Variants in OCIAD1 observed in about 807,000 individuals in gnomAD.
OCIAD1 encodes OCIA domain containing 1, also known as OCIA domain-containing protein 1.
OCIAD1 carries 29 observed loss-of-function variants against 38.9 expected under a neutral mutation model. The observed-to-expected ratio is 0.74, with a 90% CI of 0.55 to 1.02. The LOEUF (loss-of-function observed/expected upper bound fraction) is 1.02, where lower values mean the gene tolerates loss of function less well. Ranked by LOEUF, OCIAD1 falls within the 50% of genes least tolerant of loss-of-function variation. The probability of loss-of-function intolerance (pLI) is 0.00; values close to 1 mark genes in which losing one functional copy is unlikely to be tolerated. For synonymous variants in OCIAD1, 110 were observed against 92.0 expected (o/e 1.20, Z -1.12); for missense variants, 288 against 289.6 (o/e 0.99, Z 0.04).
intron 1 of OCIAD1, among the ~76,000 whole-genome samples, chr4:48,809,347 C>T (rs1181468478): frequency 6.6e-6 from 1 of 152,016 alleles, no homozygotes; most frequent in East Asian, 1.9e-4. Context: ...CTTGGCGAAA[C>T]CCCATCTCTA....
Position 48,841,459 on chromosome 4 carries a change from A to G in OCIAD1, c.140-1177A>G, listed in dbSNP as rs897728049. Among the ~76,000 whole-genome samples, 12 of 152,324 alleles carry G rather than the reference A, an allele frequency of 7.9e-5. 3 individuals carry two copies. The South Asian group carries it at 8.3e-4, about 11-fold the overall frequency. ...GTGTAAATTTCTCCAACAGCTAGTCATAACAATGTGTGAAGTTGTATCTAC... is the reference window on the plus strand; with the variant it reads ...GTGTAAATTTCTCCAACAGCTAGTCGTAACAATGTGTGAAGTTGTATCTAC... On this transcript the variant is annotated intron_variant, in intron 3 of 8. Coordinates refer to ENST00000264312, the MANE Select transcript of OCIAD1 (RefSeq NM_017830.4).
intron 1 of OCIAD1, among the ~76,000 whole-genome samples, chr4:48,808,470 C>T (rs1389569597): frequency 1.3e-5 from 2 of 150,714 alleles, no homozygotes; most frequent in Non-Finnish European, 3.0e-5. Flanking sequence ...ACCTTACTTC[C>T]AAAAAACAAA....
At chr4:48,839,446 A>AAG in intron 3 of OCIAD1, among the ~76,000 whole-genome samples, 1 of 151,872 alleles carries the variant, frequency 6.6e-6, no homozygotes, top group South Asian at 2.1e-4. Context: ...AAAAAAAAAA[A>AAG]AAAAAGAGTA....
chr4:48,823,277 A>G (rs895306158), intron 1 of OCIAD1, among the ~76,000 whole-genome samples: 1 of 152,170 alleles, frequency 6.6e-6, no homozygotes, highest in African/African-American at 2.4e-5. Context: ...ATTTTCAGCA[A>G]TCTAACACAG....
intron 1 of OCIAD1, among the ~76,000 whole-genome samples, chr4:48,824,345 T>C (rs1777227297): frequency 6.6e-6 from 1 of 152,056 alleles, no homozygotes; most frequent in Non-Finnish European, 1.5e-5. Context: ...GTATTTACAA[T>C]TGAAATTACA....
chr4:48,809,634 A>G (rs1378072915), intron 1 of OCIAD1, among the ~76,000 whole-genome samples: 1 of 152,118 alleles, frequency 6.6e-6, no homozygotes, highest in Non-Finnish European at 1.5e-5. Flanking sequence ...ATCAGCTCTT[A>G]TCACCTTCTC....
At chr4:48,831,634 T>G in intron 1 of OCIAD1, 1 of 1,018,220 alleles carries the variant, frequency 9.8e-7, no homozygotes, top group East Asian at 6.0e-5. Flanking sequence ...CTGACAGTCT[T>G]CCTGGTGTTT....
chr4:48,831,942 AC>A (rs1341302696), intron 1 of OCIAD1, among the ~76,000 whole-genome samples: 1 of 152,232 alleles, frequency 6.6e-6, no homozygotes, highest in African/African-American at 2.4e-5. Context: ...AAATACGGTT[AC>A]TTGATCTGTT....
intron 4 of OCIAD1, among the ~76,000 whole-genome samples, chr4:48,843,405 G>A (rs1560427720): frequency 6.6e-6 from 1 of 152,134 alleles, no homozygotes; most frequent in South Asian, 2.1e-4. Context: ...TGGCCTGGAG[G>A]CCTATTGTTT....
At chr4:48,809,077 A>G (rs1416151718) in intron 1 of OCIAD1, among the ~76,000 whole-genome samples, 1 of 152,198 alleles carries the variant, frequency 6.6e-6, no homozygotes, top group Non-Finnish European at 1.5e-5. Context: ...TTGTATTACT[A>G]AAACAGCCTT....
intron 1 of OCIAD1, chr4:48,831,662 A>C (rs1777516010): frequency 1.3e-6 from 1 of 764,712 alleles, no homozygotes; most frequent in Admixed American, 2.4e-5. Context: ...GGATGCCGTT[A>C]TGGGAAATAA....
At chr4:48,828,610 AG>A (rs1220702404), upstream of OCIAD1, among the ~76,000 whole-genome samples, 2 of 152,144 alleles carry the variant, frequency 1.3e-5, no homozygotes, top group Non-Finnish European at 2.9e-5. Context: ...ACCCACCTGG[AG>A]GGATTAACAA....
At chr4:48,834,715 T>C (rs1777823548) in intron 3 of OCIAD1, among the ~76,000 whole-genome samples, 1 of 152,184 alleles carries the variant, frequency 6.6e-6, no homozygotes. Context: ...ACATAGAGGC[T>C]GCTGCAGTGA....
chr4:48,806,852 C>G (rs141102948), intron 1 of OCIAD1, among the ~76,000 whole-genome samples: 1 of 152,220 alleles, frequency 6.6e-6, no homozygotes, highest in Non-Finnish European at 1.5e-5. Context: ...GATCCACCCA[C>G]CTCGGCCTCC....
At chr4:48,854,165 G>A (rs1779791988) in intron 7 of OCIAD1, among the ~76,000 whole-genome samples, 1 of 152,070 alleles carries the variant, frequency 6.6e-6, no homozygotes, top group Non-Finnish European at 1.5e-5. Flanking sequence ...TAAGTTCGAA[G>A]ACCCCTGTGG....
At chr4:48,823,649 A>T (rs1221734229) in intron 1 of OCIAD1, among the ~76,000 whole-genome samples, 40 of 151,630 alleles carry the variant, frequency 2.6e-4, no homozygotes, top group African/African-American at 9.2e-4. Context: ...CTTTGAATTT[A>T]CTTTTATTTT....
At chr4:48,849,865 T>G (rs890083311) in intron 5 of OCIAD1, 82 bp from the exon 6 acceptor site, 2 of 1,273,172 alleles carry the variant, frequency 1.6e-6, no homozygotes, top group African/African-American at 1.5e-5. Context: ...GAATCACACT[T>G]TAAAACAAAT....
At position 48,861,030 on chromosome 4, in the gene OCIAD1, A is replaced by G; in HGVS notation, c.*268A>G. 1 of 374,154 alleles carries G rather than the reference A, an allele frequency of 2.7e-6. No individual in the cohort carries two copies. The highest frequency in any genetic ancestry group is 4.7e-6 in the Non-Finnish European group (1 of 210,784). The allele number at this position is 374,154 out of a possible 1,614,324, so 23.2% of individuals were successfully genotyped here. A position where few individuals can be genotyped will look rare whatever the true frequency, so the allele number is the denominator to read the frequency against. ...AGTTTGTGAAATTGTTGCAAGGGCA[A>G]AGATAACTCTTAAAAAACCGTCGAG... On this transcript the variant is annotated 3_prime_UTR_variant, in exon 9 of 9. Coordinates refer to ENST00000264312, the MANE Select transcript of OCIAD1 (RefSeq NM_017830.4).
intron 3 of OCIAD1, among the ~76,000 whole-genome samples, chr4:48,841,275 T>C (rs1579072110): frequency 6.6e-6 from 1 of 152,326 alleles, no homozygotes; most frequent in South Asian, 2.1e-4. Flanking sequence ...ACCTCAGGTC[T>C]GGAACAGCAC....
Sources: allele counts gnomAD v4.1 joint callset (sites outside exome capture counted in the v4.1 genomes callset), GRCh38; gene constraint gnomAD v4.1.1; transcripts MANE v1.5; gene names NCBI Gene and HGNC (gene_info 2026-07-23, HGNC 2026-07-21).